The following CREBRF variants were observed in gnomAD, a reference collection of about 807,000 sequenced individuals.
CREBRF encodes the protein CREB3 regulatory factor, also known as UPF0474 protein C5orf41.
A neutral mutation model predicts 66.1 loss-of-function variants in CREBRF; 5 were observed. The observed-to-expected ratio is 0.08, with a 90% CI of 0.04 to 0.16. The LOEUF (loss-of-function observed/expected upper bound fraction) is 0.16. CREBRF is among the 10% of genes least tolerant of loss of function. CREBRF has a pLI of 1.00. For missense variants in CREBRF, 531 were observed against 744.9 expected, an observed-to-expected ratio of 0.71 and a Z score of 3.34; for synonymous variants, 229 against 264.4, an observed-to-expected ratio of 0.87 and a Z score of 1.30.
intron 7 of CREBRF, 43 bp from the exon 8 acceptor site, chr5:173,123,037 T>C: frequency 6.5e-7 from 1 of 1,540,386 alleles, no homozygotes. Flanking sequence ...GGAAAGTCTT[T>C]CATGGTAGTG....
At position 173,056,421 on chromosome 5, in the gene CREBRF, G is replaced by A. The variant is rs1036788237; in HGVS notation, c.-250G>A. On this transcript the variant is annotated 5_prime_UTR_variant, in exon 1 of 9. Coordinates refer to ENST00000296953, the MANE Select transcript of CREBRF (RefSeq NM_153607.3). ...AACAAACCCGAGGCAGCATGGAGAG[G>A]GGCCGTGGCCCCTGCAGCGGAACCG... 1.5e-4 allele frequency: 59 copies of A among 398,392 alleles called. No individual in the cohort carries two copies. Among genetic ancestry groups the A allele is most frequent in the African/African-American group, 1.1e-3 (54 of 48,752 alleles). The allele number at this position is 398,392 out of a possible 1,614,324, so 24.7% of individuals were successfully genotyped here. A position where few individuals can be genotyped will look rare whatever the true frequency, so the allele number is the denominator to read the frequency against.
intron 8 of CREBRF, among the ~76,000 whole-genome samples, chr5:173,127,491 G>T (rs559142399): frequency 7.0e-6 from 1 of 141,988 alleles, no homozygotes; most frequent in African/African-American, 2.6e-5. Flanking sequence ...ATGGGGTCTC[G>T]CTGTGTCACC....
At chr5:173,105,798 T>C (rs1758734243) in intron 4 of CREBRF, among the ~76,000 whole-genome samples, 1 of 147,608 alleles carries the variant, frequency 6.8e-6, no homozygotes, top group Non-Finnish European at 1.5e-5. Context: ...TTTTGTATTT[T>C]TAGTAGAGAT....
At chr5:173,085,956 G>C in intron 2 of CREBRF, 3 of 1,452,110 alleles carry the variant, frequency 2.1e-6, no homozygotes, top group Non-Finnish European at 2.9e-6. Context: ...AATGAAGATG[G>C]AGAGACCACT....
At chr5:173,105,225 A>ATGTGTG (rs34768667) in intron 4 of CREBRF, among the ~76,000 whole-genome samples, 3,931 of 146,612 alleles carry the variant, frequency 0.027, 78 homozygotes, top group South Asian at 0.081. Context: ...GTGTGTATAT[A>ATGTGTG]TGTGTGTGTG....
intron 8 of CREBRF, among the ~76,000 whole-genome samples, chr5:173,132,578 C>T (rs180850359): frequency 0.6 from 1,442 of 2,388 alleles, 690 homozygotes; most frequent in Non-Finnish European, 0.77. Flanking sequence ...CCCCCTCCCC[C>T]TCCCCCTCCC....
At chr5:173,084,787 G>A (rs1164335296) in intron 2 of CREBRF, among the ~76,000 whole-genome samples, 2 of 151,870 alleles carry the variant, frequency 1.3e-5, no homozygotes, top group Non-Finnish European at 2.9e-5. Context: ...GACTGCAGGT[G>A]CCCGCCACCA....
intron 1 of CREBRF, among the ~76,000 whole-genome samples, chr5:173,061,525 C>A (rs1291098421): frequency 1.1e-4 from 16 of 152,214 alleles, no homozygotes; most frequent in African/African-American, 3.1e-4. Context: ...AAACTTTGGC[C>A]CTAAGATATA....
At chr5:173,120,632 C>T (rs903326812) in intron 7 of CREBRF, among the ~76,000 whole-genome samples, 4 of 147,848 alleles carry the variant, frequency 2.7e-5, no homozygotes, top group Admixed American at 6.8e-5. Flanking sequence ...CCACCCATCT[C>T]GGCCTCCCAA....
In CREBRF at chr5:173,108,686, G is replaced by A; in HGVS notation, c.1285G>A (p.Gly429Ser). Residue 429 changes from glycine to serine, a missense_variant, in exon 5 of 9, where the codon GGT (glycine) becomes AGT (serine). Gly to Ser is a moderately conservative substitution (Grantham distance 56). This residue lies in a region of CREBRF where 309 missense variants were observed against 341.4 expected (regional missense o/e 0.90). Transcript: ENST00000296953. ...EVTSISSRKR[G>S]KRRYFWEYSE... ...GACTTCAATATCTTCACGGAAGAGA[G>A]GTAAAAGAAGATACTTCTGGGAGTA... 1.2e-6 allele frequency: 2 copies of A among 1,613,830 alleles called. No homozygotes were observed. Among genetic ancestry groups the A allele is most frequent in the South Asian group, 1.1e-5 (1 of 91,040 alleles).
chr5:173,125,609 A>C (rs1759250855), intron 8 of CREBRF, among the ~76,000 whole-genome samples: 1 of 152,224 alleles, frequency 6.6e-6, no homozygotes, highest in Non-Finnish European at 1.5e-5. Flanking sequence ...TCACGCCTGT[A>C]ATCCCAGCAC....
intron 8 of CREBRF, chr5:173,123,422 T>G: frequency 2.3e-6 from 1 of 428,250 alleles, no homozygotes; most frequent in Non-Finnish European, 4.1e-6. Flanking sequence ...TGAAACTATT[T>G]TAACATTTAA....
chr5:173,074,189 T>C (rs1486416271), intron 1 of CREBRF, among the ~76,000 whole-genome samples: 1 of 150,898 alleles, frequency 6.6e-6, no homozygotes, highest in Non-Finnish European at 1.5e-5. Flanking sequence ...GTAATCCCAC[T>C]ACTTGGGAGG....
intron 2 of CREBRF, among the ~76,000 whole-genome samples, chr5:173,083,762 G>A (rs1758041729): frequency 1.3e-5 from 2 of 152,208 alleles, no homozygotes; most frequent in Non-Finnish European, 2.9e-5. Context: ...ATACAGCTAA[G>A]TGAAAGTACT....
chr5:173,131,249 C>G (rs1484132305), intron 8 of CREBRF, among the ~76,000 whole-genome samples: 1 of 152,198 alleles, frequency 6.6e-6, no homozygotes, highest in Non-Finnish European at 1.5e-5. Flanking sequence ...TTCTTTGTCT[C>G]TAACTATTTT....
At chr5:173,104,717 G>C (rs1758708522) in intron 4 of CREBRF, among the ~76,000 whole-genome samples, 1 of 147,046 alleles carries the variant, frequency 6.8e-6, no homozygotes, top group Non-Finnish European at 1.5e-5. Context: ...AATTCAGAGA[G>C]AGAGAGAGAG....
At chr5:173,125,508 AAGAAGGTTTGGTTCAGAAT>A (rs1487030205) in intron 8 of CREBRF, among the ~76,000 whole-genome samples, 19 of 152,298 alleles carry the variant, frequency 1.2e-4, no homozygotes, top group Admixed American at 4.6e-4. Flanking sequence ...GAACTTTTAA[AAGAAGGTTTGGTTCAGAAT>A]AGCTTTTCTT....
intron 4 of CREBRF, among the ~76,000 whole-genome samples, chr5:173,099,157 A>G (rs144676505): frequency 1.3e-5 from 2 of 152,072 alleles, no homozygotes; most frequent in East Asian, 3.9e-4. Context: ...GCTTACATGC[A>G]TCCTTTTTAT....
intron 1 of CREBRF, among the ~76,000 whole-genome samples, chr5:173,068,749 G>T (rs941062670): frequency 6.6e-6 from 1 of 152,090 alleles, no homozygotes; most frequent in Non-Finnish European, 1.5e-5. Context: ...TTCTAGCTTG[G>T]TGGAATGTGG....
Sources: gnomAD v4.1 joint callset for allele counts (sites outside exome capture counted in the v4.1 genomes callset) on GRCh38, gnomAD v4.1.1 for gene constraint, gnomAD v4.1.1 regional missense constraint, MANE v1.5 for transcripts, NCBI Gene and HGNC (gene_info 2026-07-23, HGNC 2026-07-21) for gene names.